Variants in CEP164 observed in about 807,000 individuals in gnomAD.
The protein encoded by CEP164 is centrosomal protein 164, also known as centrosomal protein of 164 kDa.
CEP164 carries 162 observed loss-of-function variants against 182.7 expected under a neutral mutation model. The ratio of observed to expected loss-of-function variants is 0.89; its 90% CI spans 0.78 to 1.01. The LOEUF (loss-of-function observed/expected upper bound fraction) is 1.01. Ranked by LOEUF, CEP164 falls within the 50% of genes least tolerant of loss-of-function variation. The pLI, the probability that CEP164 is intolerant of heterozygous loss-of-function variation, is 0.00. For synonymous variants in CEP164, 661 were observed against 690.0 expected, an observed-to-expected ratio of 0.96 and a Z score of 0.66; for missense variants, 1,735 against 1,790.4, an observed-to-expected ratio of 0.97 and a Z score of 0.56.
intron 5 of CEP164, among the ~76,000 whole-genome samples, chr11:117,352,891 T>C (rs2039833185): frequency 6.6e-6 from 1 of 152,220 alleles, no homozygotes; most frequent in Admixed American, 6.5e-5. Context: ...CCAGCCTGAT[T>C]TCCTTGGTTA....
chr11:117,390,946 G>A (rs774015345), intron 16 of CEP164, 38 bp downstream of exon 16: 13 of 1,613,904 alleles, frequency 8.1e-6, no homozygotes, highest in South Asian at 6.6e-5. Context: ...CCAGCCCTGC[G>A]GAGGCGACCC....
intron 8 of CEP164, among the ~76,000 whole-genome samples, chr11:117,367,936 A>G (rs992443272): frequency 2.6e-5 from 4 of 152,244 alleles, no homozygotes; most frequent in African/African-American, 4.8e-5. Flanking sequence ...TGTAATAAAT[A>G]TAGTCTAATC....
Position 117,375,800 on chromosome 11 carries a change from C to T in CEP164, c.1317+9C>T. 1.2e-6 allele frequency: 2 copies of T among 1,613,772 alleles called. No homozygotes were observed. The highest frequency in any genetic ancestry group is 1.7e-4 in the Middle Eastern group (1 of 6,014). Reference sequence around the variant, plus strand: ...GTGGAGCTTGTCGGCAGGTGAGTTTCTGTGGGTGGTGGGCTGAGCTGGGGC... The same window carrying T: ...GTGGAGCTTGTCGGCAGGTGAGTTTTTGTGGGTGGTGGGCTGAGCTGGGGC... On this transcript the variant is annotated intron_variant, in intron 11 of 32. Transcript: ENST00000278935.
intron 27 of CEP164, among the ~76,000 whole-genome samples, chr11:117,400,531 T>C (rs575379795): frequency 3.9e-5 from 6 of 152,326 alleles, no homozygotes; most frequent in African/African-American, 9.6e-5. Context: ...AGAAAGTCAA[T>C]GGTAGCTTGA....
chr11:117,376,168 A>G (rs969335245), intron 11 of CEP164, among the ~76,000 whole-genome samples: 1 of 151,900 alleles, frequency 6.6e-6, no homozygotes, highest in African/African-American at 2.4e-5. Flanking sequence ...GCTGCTCGCT[A>G]TTGCTGGGGC....
At position 117,407,914 on chromosome 11, in the gene CEP164, C is replaced by T; in HGVS notation, c.3502-11C>T. 1 of 1,574,038 alleles carries T rather than the reference C, an allele frequency of 6.4e-7. No homozygotes were observed. Among genetic ancestry groups the T allele is most frequent in the Non-Finnish European group, 8.6e-7 (1 of 1,158,632 alleles). ...GTAGTCATTTCTCCTCTGTTTTCTC[C>T]TTGGCTGCAGGAGACCAGGCACCTG... is the stretch of plus-strand genomic sequence containing the variant. On this transcript the variant is annotated splice_polypyrimidine_tract_variant and intron_variant, in intron 27 of 32. Transcript: ENST00000278935.
Position 117,392,655 on chromosome 11 carries a change from G to C in CEP164, c.2493+28G>C, listed in dbSNP as rs146138334. ...GAGTGCTGCTCTGTCTTCCACAGTC[G>C]TGTGCGCCTGTTGTGGACTCTCTTA... On this transcript the variant is annotated intron_variant, in intron 19 of 32. Transcript: ENST00000278935. 500 of 1,608,044 alleles carry C rather than the reference G, an allele frequency of 3.1e-4. 1 individual carries two copies. In the African/African-American group the frequency reaches 6.0e-3, roughly 19 times the overall value.
chr11:117,336,629 C>T, intron 2 of CEP164: 1 of 1,190,936 alleles, frequency 8.4e-7, no homozygotes. Context: ...TGGGATTCCA[C>T]ATGTTTAGGT....
chr11:117,344,368 C>T (rs965058994), intron 4 of CEP164, 91 bp downstream of exon 4: 16 of 798,806 alleles, frequency 2.0e-5, no homozygotes, highest in Non-Finnish European at 1.0e-5. Context: ...GCCAGCTTTT[C>T]CAAGCCTATC....
intron 4 of CEP164, among the ~76,000 whole-genome samples, chr11:117,348,210 A>AG (rs2039187013): frequency 6.6e-6 from 1 of 152,066 alleles, no homozygotes; most frequent in Admixed American, 6.6e-5. Flanking sequence ...AAGCTCAAGC[A>AG]ATTTGCCTGC....
rs753702338 is a variant in CEP164 at position 117,381,814 on chromosome 11, A to T, written c.1523A>T (p.Glu508Val). 18 of 1,554,860 alleles carry T rather than the reference A, an allele frequency of 1.2e-5. No individual in the cohort carries two copies. Among genetic ancestry groups the T allele is most frequent in the Non-Finnish European group, 8.7e-7 (1 of 1,149,252 alleles). Residue 508 changes from glutamate (E) to valine (V), a missense_variant, in exon 13 of 33, where the codon GAG becomes GTG. Physicochemically the swap from Glu to Val is moderately radical, Grantham distance 121 (BLOSUM62 -2). Transcript: ENST00000278935. ...PEGQPEWKEA[E>V]ELGEDSAASL... ...GGGCAGCCCGAGTGGAAGGAGGCAGAGGAGCTTGGGGAGGACTCTGCAGCC... is the reference window on the plus strand; with the variant it reads ...GGGCAGCCCGAGTGGAAGGAGGCAGTGGAGCTTGGGGAGGACTCTGCAGCC...
chr11:117,343,454 C>A (rs1233139647), intron 3 of CEP164, among the ~76,000 whole-genome samples: 1 of 152,116 alleles, frequency 6.6e-6, no homozygotes, highest in Non-Finnish European at 1.5e-5. Context: ...TTTTTCAGTA[C>A]ATGCTTGTTG....
chr11:117,330,777 A>G (rs2036081911), intron 1 of CEP164, among the ~76,000 whole-genome samples: 2 of 152,394 alleles, frequency 1.3e-5, no homozygotes, highest in South Asian at 4.1e-4. Flanking sequence ...AGCAGTCATA[A>G]TAATGTAATG....
At position 117,412,400 on chromosome 11, in the gene CEP164, G is replaced by A; in HGVS notation, c.*232G>A. 1 of 406,672 alleles carries A rather than the reference G, an allele frequency of 2.5e-6. No individual in the cohort carries two copies. The allele number at this position is 406,672 out of a possible 1,614,324, so 25.2% of individuals were successfully genotyped here. A position where few individuals can be genotyped will look rare whatever the true frequency, so the allele number is the denominator to read the frequency against. ...CGTACGAGCTCTTGTCATTGACATG[G>A]CAAGCTGATGGCGTGCGGTGGCTGC... On this transcript the variant is annotated 3_prime_UTR_variant, in exon 33 of 33. Coordinates refer to ENST00000278935, the MANE Select transcript of CEP164 (RefSeq NM_014956.5).
intron 28 of CEP164, 68 bp from the exon 29 acceptor site, chr11:117,408,822 G>A: frequency 6.3e-7 from 1 of 1,595,612 alleles, no homozygotes; most frequent in South Asian, 1.1e-5. Flanking sequence ...CCACTTCCTA[G>A]GAAGGAAAAA....
At position 117,411,418 on chromosome 11, in the gene CEP164, C is replaced by A; in HGVS notation, c.4164-377C>A. Reference sequence around the variant, plus strand: ...TCCTTGCCAAATGTTTTCCCCTCTCCCTCCCTTAGGCAGCTAACAGTGAGT... The same window carrying A: ...TCCTTGCCAAATGTTTTCCCCTCTCACTCCCTTAGGCAGCTAACAGTGAGT... On this transcript the variant is annotated intron_variant, in intron 31 of 32. Transcript: ENST00000278935. This position sits in a 1 kb window ranked among gnomAD's most constrained non-coding sequence, Gnocchi z 4.4. 3.8e-6 allele frequency: 1 copy of A among 260,000 alleles called. No homozygotes were observed. Among genetic ancestry groups the A allele is most frequent in the African/African-American group, 2.2e-5 (1 of 45,942 alleles). The allele number at this position is 260,000 out of a possible 1,614,324, so 16.1% of individuals were successfully genotyped here. A position where few individuals can be genotyped will look rare whatever the true frequency, so the allele number is the denominator to read the frequency against.
At chr11:117,355,340 C>T (rs1414237131) in intron 5 of CEP164, 2 of 1,289,854 alleles carry the variant, frequency 1.6e-6, no homozygotes, top group Non-Finnish European at 2.0e-6. Context: ...GCAGCAGAAA[C>T]TGGGCACTCC....
At chr11:117,402,828 T>C (rs973538563) in intron 27 of CEP164, among the ~76,000 whole-genome samples, 7 of 152,342 alleles carry the variant, frequency 4.6e-5, no homozygotes, top group African/African-American at 1.7e-4. Context: ...CTAAGTCTCT[T>C]TGTAGGTCTC....
intron 15 of CEP164, among the ~76,000 whole-genome samples, chr11:117,390,374 G>A (rs1366390866): frequency 3.9e-5 from 6 of 152,180 alleles, no homozygotes; most frequent in Admixed American, 2.6e-4. Flanking sequence ...TTGACTGGGC[G>A]CAGTGGCTCA....
Sources: allele counts gnomAD v4.1 joint callset (sites outside exome capture counted in the v4.1 genomes callset), GRCh38; gene constraint gnomAD v4.1.1; non-coding constraint Gnocchi (gnomAD v3.1); transcripts MANE v1.5; gene names NCBI Gene and HGNC (gene_info 2026-07-23, HGNC 2026-07-21).